Variants in KDM4C observed in about 807,000 individuals in gnomAD.
KDM4C encodes lysine demethylase 4C.
A neutral mutation model predicts 129.3 loss-of-function variants in KDM4C; 81 were observed. The ratio of observed to expected loss-of-function variants is 0.63; its 90% CI spans 0.52 to 0.75. The LOEUF is 0.75. Among genes scored for constraint, KDM4C ranks in the 30% least tolerant of loss-of-function variants. KDM4C has a pLI of 0.00. For missense variants in KDM4C, 1,457 were observed against 1,304.0 expected, an observed-to-expected ratio of 1.12 and a Z score of -1.81; for synonymous variants, 573 against 456.1, an observed-to-expected ratio of 1.26 and a Z score of -3.26.
rs758317571 is a variant in KDM4C, at chr9:6,986,626, C to T, written c.1637C>T (p.Ala546Val). 22 of 1,613,330 alleles carry T rather than the reference C, an allele frequency of 1.4e-5. No homozygotes were observed. The East Asian group carries it at 1.8e-4, about 13-fold the overall frequency. ...GGCCTTGAACCTGGGGAAATCCCAGCGGTCCCCAGTGGAGAGAGAAATAGC... is the reference window on the plus strand; with the variant it reads ...GGCCTTGAACCTGGGGAAATCCCAGTGGTCCCCAGTGGAGAGAGAAATAGC... ...GNGLEPGEIPAVPSGERNSFK... is the reference protein window; with the variant it reads ...GNGLEPGEIPVVPSGERNSFK... Residue 546 changes from alanine (A) to valine (V), a missense_variant, in exon 11 of 22, where the codon GCG (alanine) becomes GTG (valine). Transcript: ENST00000381309.
chr9:6,765,821 C>G (rs1352465117), intron 1 of KDM4C, among the ~76,000 whole-genome samples: 1 of 152,108 alleles, frequency 6.6e-6, no homozygotes, highest in South Asian at 2.1e-4. Flanking sequence ...TGGAGTCTTT[C>G]TCTGTCACCC....
chr9:6,893,734 T>A (rs984638503), intron 8 of KDM4C: 1 of 152,242 alleles, frequency 6.6e-6, no homozygotes, highest in Admixed American at 6.5e-5. Context: ...TAGAACACAT[T>A]TTAACAGGAA....
chr9:6,747,984 C>A (rs1817936476), intron 1 of KDM4C, among the ~76,000 whole-genome samples: 1 of 151,906 alleles, frequency 6.6e-6, no homozygotes, highest in South Asian at 2.1e-4. Flanking sequence ...TCGAGAGCAG[C>A]CTGGGCAATA....
rs1260321685 is a variant in KDM4C, at chr9:6,835,645, A to C, written c.436-13862A>C. On this transcript the variant is annotated intron_variant, in intron 4 of 21. Transcript: ENST00000381309. ...CCTGACTTGTGCAGAAAACAAGATG[A>C]GATTGGCATGGCTTTATTTTTTGTT... The C allele has an allele frequency of 5.2e-6, 4 of 768,988 alleles. No homozygotes were observed. In the African/African-American group the frequency reaches 6.9e-5, roughly 13 times the overall value. 47.6% of individuals were successfully genotyped at this position (768,988 alleles called of 1,614,324 possible). A position where few individuals can be genotyped will look rare whatever the true frequency, so the allele number is the denominator to read the frequency against.
chr9:6,919,223 CTTCTTTCT>C (rs1554643688), intron 8 of KDM4C, among the ~76,000 whole-genome samples: 67 of 109,036 alleles, frequency 6.1e-4, no homozygotes, highest in Middle Eastern at 5.3e-3. Flanking sequence ...TTTCTTTTTC[CTTCTTTCT>C]TTCTTTCTTT....
chr9:7,082,489 C>A (rs1834645759), intron 17 of KDM4C, among the ~76,000 whole-genome samples: 1 of 152,180 alleles, frequency 6.6e-6, no homozygotes, highest in African/African-American at 2.4e-5. Flanking sequence ...CTCACCAGGG[C>A]TGATGGTGGA....
At chr9:7,148,428 TC>T (rs779957641) in intron 19 of KDM4C, among the ~76,000 whole-genome samples, 89 of 152,298 alleles carry the variant, frequency 5.8e-4, no homozygotes, top group Middle Eastern at 3.4e-3. Context: ...CACAGCTCTT[TC>T]CCGTTGTGTG....
At chr9:6,854,192 A>T (rs1241303574) in intron 5 of KDM4C, among the ~76,000 whole-genome samples, 1 of 152,134 alleles carries the variant, frequency 6.6e-6, no homozygotes, top group East Asian at 1.9e-4. Context: ...TTCAGATGGT[A>T]TCTTGAGTCT....
At chr9:7,030,927 G>A (rs1826617478) in intron 15 of KDM4C, among the ~76,000 whole-genome samples, 1 of 151,888 alleles carries the variant, frequency 6.6e-6, no homozygotes, top group South Asian at 2.1e-4. Flanking sequence ...CATAAACTAG[G>A]TAATTATGCA....
chr9:6,733,200 A>G (rs1177546934), intron 1 of KDM4C, among the ~76,000 whole-genome samples: 2 of 152,206 alleles, frequency 1.3e-5, no homozygotes, highest in Admixed American at 6.5e-5. Flanking sequence ...TGCTCTGCTT[A>G]AAAAACAAAA....
chr9:6,953,278 C>G (rs191515964), intron 8 of KDM4C, among the ~76,000 whole-genome samples: 1 of 152,280 alleles, frequency 6.6e-6, no homozygotes, highest in East Asian at 1.9e-4. Flanking sequence ...ATTTAATCAC[C>G]AGCTTATTCA....
chr9:7,074,689 C>G (rs995375722), intron 17 of KDM4C, among the ~76,000 whole-genome samples: 1 of 152,090 alleles, frequency 6.6e-6, no homozygotes, highest in African/African-American at 2.4e-5. Context: ...TACCTATATA[C>G]TATTTGCAGT....
chr9:7,029,887 C>A (rs889206409), intron 15 of KDM4C, among the ~76,000 whole-genome samples: 1 of 152,162 alleles, frequency 6.6e-6, no homozygotes, highest in Non-Finnish European at 1.5e-5. Flanking sequence ...AGCATTAAGC[C>A]TATGGTGTCA....
chr9:6,736,887 CA>C (rs1210226299), intron 1 of KDM4C, among the ~76,000 whole-genome samples: 1 of 151,472 alleles, frequency 6.6e-6, no homozygotes, highest in South Asian at 2.1e-4. Context: ...CCCGTCTCTA[CA>C]AAAAAATACA....
chr9:6,961,883 G>T (rs570397444), intron 8 of KDM4C, among the ~76,000 whole-genome samples: 1 of 152,256 alleles, frequency 6.6e-6, no homozygotes, highest in South Asian at 2.1e-4. Context: ...GTGTTTTAAG[G>T]ATGTTGTGAA....
intron 7 of KDM4C, among the ~76,000 whole-genome samples, chr9:6,888,545 G>T (rs1422279308): frequency 6.6e-6 from 1 of 152,176 alleles, no homozygotes; most frequent in African/African-American, 2.4e-5. Context: ...TATTGCTTCT[G>T]CGAGTTTTCT....
chr9:7,125,354 A>G (rs1289269836), intron 18 of KDM4C, among the ~76,000 whole-genome samples: 3 of 152,324 alleles, frequency 2.0e-5, no homozygotes, highest in African/African-American at 7.2e-5. Flanking sequence ...GTGTTCCATC[A>G]GTCTTCTCTC....
chr9:6,814,784 G>T, intron 4 of KDM4C, 39 bp downstream of exon 4: 1 of 1,286,866 alleles, frequency 7.8e-7, no homozygotes, highest in Non-Finnish European at 1.1e-6. Context: ...AAAGATCATT[G>T]GATGTGACAG....
chr9:6,890,225 T>C (rs1415757406), intron 7 of KDM4C, among the ~76,000 whole-genome samples: 1 of 152,232 alleles, frequency 6.6e-6, no homozygotes. Context: ...CCTGAGTTCA[T>C]TCCTGATTCA....
Sources: gnomAD v4.1 joint callset for allele counts (sites outside exome capture counted in the v4.1 genomes callset) on GRCh38, gnomAD v4.1.1 for gene constraint, MANE v1.5 for transcripts, NCBI Gene and HGNC (gene_info 2026-07-23, HGNC 2026-07-21) for gene names.